Variants in SNX29 observed in about 807,000 individuals in gnomAD.
SNX29 encodes sorting nexin-29.
SNX29 carries 78 observed loss-of-function variants against 102.1 expected under a neutral mutation model. That is an observed-to-expected ratio of 0.76 (90% CI 0.64 to 0.92). SNX29 has a LOEUF of 0.92. SNX29 is among the 40% of genes least tolerant of loss of function. The pLI is 0.00. For synonymous variants in SNX29, 580 were observed against 414.5 expected (o/e 1.40, Z -4.85); for missense variants, 1,280 against 1,061.7 (o/e 1.21, Z -2.86).
intron 20 of SNX29, chr16:12,526,734 G>A (rs554914829): frequency 4.3e-6 from 2 of 461,536 alleles, no homozygotes; most frequent in East Asian, 4.1e-5. Context: ...TCCTGATGCT[G>A]AGAGTGTGAG....
chr16:12,563,737 C>T (rs993322705), intron 20 of SNX29, among the ~76,000 whole-genome samples: 3 of 152,346 alleles, frequency 2.0e-5, no homozygotes, highest in South Asian at 4.1e-4. Context: ...CACTGTCATT[C>T]TTTACCCAAC....
At chr16:12,003,749 A>G (rs540842905) in intron 3 of SNX29, among the ~76,000 whole-genome samples, 14 of 152,310 alleles carry the variant, frequency 9.2e-5, no homozygotes, top group African/African-American at 2.2e-4. Context: ...GCTCATGCCA[A>G]TAATCCCAGC....
At chr16:12,277,267 G>T (rs1202972223) in intron 14 of SNX29, among the ~76,000 whole-genome samples, 4 of 152,026 alleles carry the variant, frequency 2.6e-5, no homozygotes, top group Non-Finnish European at 5.9e-5. Flanking sequence ...GCTGCAGCAG[G>T]GTTATGCCTA....
intron 18 of SNX29, among the ~76,000 whole-genome samples, chr16:12,430,996 G>C (rs776887920): frequency 6.6e-6 from 1 of 152,046 alleles, no homozygotes; most frequent in Non-Finnish European, 1.5e-5. Flanking sequence ...GGGATTAGAG[G>C]CACCTGCCAC....
chr16:12,094,548 T>C (rs978214153), intron 11 of SNX29, among the ~76,000 whole-genome samples: 1 of 152,166 alleles, frequency 6.6e-6, no homozygotes, highest in African/African-American at 2.4e-5. Flanking sequence ...CTACTCTTTC[T>C]ATGAGGCCTG....
intron 14 of SNX29, among the ~76,000 whole-genome samples, chr16:12,241,364 A>T (rs992080544): frequency 6.6e-6 from 1 of 152,116 alleles, no homozygotes; most frequent in Non-Finnish European, 1.5e-5. Flanking sequence ...AATTAACAAA[A>T]GTTTTGTCTT....
chr16:12,448,344 G>A (rs1477331064), intron 18 of SNX29, among the ~76,000 whole-genome samples: 1 of 152,214 alleles, frequency 6.6e-6, no homozygotes, highest in Non-Finnish European at 1.5e-5. Flanking sequence ...GATGGTGACA[G>A]ACACCAGCTG....
At chr16:12,181,766 C>T (rs1478316522) in intron 13 of SNX29, among the ~76,000 whole-genome samples, 2 of 152,110 alleles carry the variant, frequency 1.3e-5, no homozygotes, top group Non-Finnish European at 1.5e-5. Context: ...CTGTGTTCTA[C>T]GCAGATACCA....
intron 18 of SNX29, among the ~76,000 whole-genome samples, chr16:12,434,100 G>A (rs2085428047): frequency 6.6e-6 from 1 of 152,162 alleles, no homozygotes; most frequent in East Asian, 1.9e-4. Flanking sequence ...TTTATTTCAT[G>A]CCATTTGACA....
chr16:12,494,277 T>G (rs971983204), intron 19 of SNX29, among the ~76,000 whole-genome samples: 2 of 152,138 alleles, frequency 1.3e-5, no homozygotes, highest in Non-Finnish European at 2.9e-5. Context: ...TCCCTGTGCC[T>G]CCTGCGTGCC....
intron 3 of SNX29, among the ~76,000 whole-genome samples, chr16:12,005,029 T>C (rs2056409207): frequency 6.6e-6 from 1 of 152,180 alleles, no homozygotes; most frequent in East Asian, 1.9e-4. Context: ...GTGTATCACA[T>C]TGTACTGTAG....
chr16:12,160,122 T>C (rs2055720897), intron 13 of SNX29, among the ~76,000 whole-genome samples: 1 of 152,216 alleles, frequency 6.6e-6, no homozygotes, highest in African/African-American at 2.4e-5. Context: ...GTGACTCTGA[T>C]GTTGCCAGGT....
chr16:12,092,968 C>T (rs539931386), intron 11 of SNX29, among the ~76,000 whole-genome samples: 3 of 152,222 alleles, frequency 2.0e-5, no homozygotes, highest in African/African-American at 4.8e-5. Context: ...AGGTGTTGGC[C>T]GATGTGGGAA....
At chr16:12,405,776 G>A (rs1352254082) in intron 18 of SNX29, among the ~76,000 whole-genome samples, 1 of 152,230 alleles carries the variant, frequency 6.6e-6, no homozygotes, top group Admixed American at 6.5e-5. Context: ...GCTCACGCCT[G>A]TAATCCCAGC....
intron 20 of SNX29, among the ~76,000 whole-genome samples, chr16:12,565,604 G>A (rs1297621870): frequency 2.0e-5 from 3 of 152,168 alleles, no homozygotes; most frequent in Non-Finnish European, 4.4e-5. Context: ...TACACTCACT[G>A]GGACTTCCCA....
chr16:12,020,160 T>A (rs1186686462), intron 3 of SNX29, among the ~76,000 whole-genome samples: 1 of 152,136 alleles, frequency 6.6e-6, no homozygotes, highest in African/African-American at 2.4e-5. Context: ...TCTTGTTCTG[T>A]CACCCATGCT....
At chr16:12,054,156 C>T (rs2050423349) in intron 8 of SNX29, among the ~76,000 whole-genome samples, 1 of 152,158 alleles carries the variant, frequency 6.6e-6, no homozygotes, top group Non-Finnish European at 1.5e-5. Flanking sequence ...TTAGTAGAGA[C>T]AGGGTTTCAC....
chr16:12,446,034 G>A (rs1369001688), intron 18 of SNX29, among the ~76,000 whole-genome samples: 1 of 146,766 alleles, frequency 6.8e-6, no homozygotes, highest in African/African-American at 2.5e-5. Context: ...AGTTGAAACA[G>A]TAGCTTCTCA....
At chr16:12,544,448 C>T (rs76135346) in intron 20 of SNX29, among the ~76,000 whole-genome samples, 1 of 152,148 alleles carries the variant, frequency 6.6e-6, no homozygotes, top group African/African-American at 2.4e-5. Context: ...TCTTTCTCTA[C>T]CCTATCTCAT....
Sources: gnomAD v4.1 joint callset for allele counts (sites outside exome capture counted in the v4.1 genomes callset) on GRCh38, gnomAD v4.1.1 for gene constraint, MANE v1.5 for transcripts, NCBI Gene and HGNC (gene_info 2026-07-23, HGNC 2026-07-21) for gene names.